Variants in OGFOD1 observed in about 807,000 individuals in gnomAD.
OGFOD1 encodes 2-oxoglutarate and iron dependent oxygenase domain containing 1, also known as prolyl 3-hydroxylase OGFOD1.
Under a neutral mutation model 67.7 loss-of-function variants are expected in OGFOD1, and 54 were observed. That is an observed-to-expected ratio of 0.80 (90% confidence interval 0.64 to 1.00). The LOEUF (loss-of-function observed/expected upper bound fraction) is 1.00. Among genes scored for constraint, OGFOD1 ranks in the 50% least tolerant of loss-of-function variants. The pLI is 0.00. For synonymous variants in OGFOD1, 221 were observed against 227.0 expected (o/e 0.97, Z 0.24); for missense variants, 606 against 646.7 (o/e 0.94, Z 0.68).
In OGFOD1 at chr16:56,451,771, C is replaced by T. The variant is rs1049731941; in HGVS notation, c.154+5C>T. 1 of 1,612,068 alleles carries T rather than the reference C, an allele frequency of 6.2e-7. No homozygotes were observed. The highest frequency in any genetic ancestry group is 1.3e-5 in the African/African-American group (1 of 74,980). ...GCAGGACGCCGTTCAGTCACGGTAA[C>T]CGGGTGCTCTCAGGGAGGGGCCGCC... On this transcript the variant is annotated splice_donor_5th_base_variant and intron_variant, in intron 1 of 12. Transcript: ENST00000566157.
chr16:56,469,369 T>A lies in OGFOD1; in HGVS notation c.901-634T>A, dbSNP rs922379186. On this transcript the variant is annotated intron_variant, in intron 8 of 12. Coordinates refer to ENST00000566157, the MANE Select transcript of OGFOD1 (RefSeq NM_018233.4). ...CCTCAAAACATCTTGTGAGTTGTATTATGGTCTGTATTATGATCCTCATTT... is the reference window on the plus strand; with the variant it reads ...CCTCAAAACATCTTGTGAGTTGTATAATGGTCTGTATTATGATCCTCATTT... Among the ~76,000 whole-genome samples, 538 of 152,316 alleles carry A rather than the reference T, an allele frequency of 3.5e-3. 1 individual carries two copies. Among genetic ancestry groups the A allele is most frequent in the African/African-American group, 0.012 (515 of 41,564 alleles).
chr16:56,469,681 T>C (rs1029399430), intron 8 of OGFOD1, among the ~76,000 whole-genome samples: 14 of 151,630 alleles, frequency 9.2e-5, no homozygotes, highest in African/African-American at 3.2e-4. Context: ...AGAAACCCCA[T>C]CTCTACTAAA....
At chr16:56,454,701 C>A in intron 2 of OGFOD1, 4 of 353,278 alleles carry the variant, frequency 1.1e-5, no homozygotes, top group South Asian at 2.0e-5. Flanking sequence ...TTTTTTTTTG[C>A]ATTTTCCCAT....
At chr16:56,458,720 A>G in intron 3 of OGFOD1, 126 bp downstream of exon 3, 1 of 773,408 alleles carries the variant, frequency 1.3e-6, no homozygotes, top group Non-Finnish European at 2.1e-6. Context: ...TTTGTAGAGG[A>G]GGAAAGAGAC....
At chr16:56,458,675 A>G in intron 3 of OGFOD1, 81 bp downstream of exon 3, 1 of 1,145,938 alleles carries the variant, frequency 8.7e-7, no homozygotes, top group Middle Eastern at 2.1e-4. Flanking sequence ...AACATTGTGT[A>G]TGTCATATAA....
Position 56,470,067 on chromosome 16 carries a change from G to A in OGFOD1, c.965G>A (p.Gly322Asp), listed in dbSNP as rs777664401. The change falls in exon 9 of 13, where the codon GGT becomes GAT. Residue 322 changes from glycine to aspartate, a missense_variant. By Grantham distance (94) the Gly-to-Asp change is moderately conservative (BLOSUM62 -1). Coordinates refer to ENST00000566157, the MANE Select transcript of OGFOD1 (RefSeq NM_018233.4). ...EHGHVEWSSR[G>D]PPNKRFYEKA... is the part of the protein sequence containing the mutation. ...GGACATGTGGAATGGAGCAGCCGAG[G>A]TCCCCCTAACAAAAGGTAGAACCCG... The A allele has an allele frequency of 6.2e-7, 1 of 1,613,952 alleles. No homozygotes were observed. The highest frequency in any genetic ancestry group is 8.5e-7 in the Non-Finnish European group (1 of 1,179,954).
chr16:56,452,005 G>A, intron 1 of OGFOD1: 1 of 497,186 alleles, frequency 2.0e-6, no homozygotes, highest in Non-Finnish European at 3.6e-6. Context: ...GGAAGCAGAG[G>A]GTATGCAAGA....
chr16:56,454,662 A>G, intron 2 of OGFOD1: 2 of 346,944 alleles, frequency 5.8e-6, no homozygotes, highest in African/African-American at 2.3e-5. Context: ...GGAAAAAAAA[A>G]AGAAAGATTA....
chr16:56,466,189 C>T lies in OGFOD1; in HGVS notation c.486C>T (p.Arg162=), dbSNP rs777090975. The stretch of plus-strand genomic sequence containing the variant: ...GCCATGATGATGAGCTGGAAGGGCG[C>T]CGGATTGCCTTCATCCTGTACCTGG... ...LLCHDDELEG[R]RIAFILYLVP... Residue 162 remains arginine (R), a synonymous_variant, in exon 5 of 13, where the codon CGC becomes CGT. Coordinates refer to ENST00000566157, the MANE Select transcript of OGFOD1 (RefSeq NM_018233.4). The T allele has an allele frequency of 6.2e-7, 1 of 1,614,050 alleles. No individual in the cohort carries two copies. The highest frequency in any genetic ancestry group is 2.2e-5 in the East Asian group (1 of 44,884).
At chr16:56,451,878 T>C in intron 1 of OGFOD1, 112 bp downstream of exon 1, 1 of 1,257,674 alleles carries the variant, frequency 8.0e-7, no homozygotes, top group Non-Finnish European at 1.1e-6. Context: ...GAAGAGGCTC[T>C]TAGAGGACTT....
intron 4 of OGFOD1, 75 bp downstream of exon 4, chr16:56,462,709 T>C (rs1962753584): frequency 1.1e-6 from 1 of 878,920 alleles, no homozygotes; most frequent in African/African-American, 1.7e-5. Flanking sequence ...ATGGTATCTG[T>C]GTACCAAAAC....
chr16:56,465,945 T>C (rs1038740697), intron 4 of OGFOD1: 2 of 486,834 alleles, frequency 4.1e-6, no homozygotes, highest in Non-Finnish European at 7.4e-6. Flanking sequence ...TATCTAATTA[T>C]GTGCTCTTTA....
chr16:56,476,446 T>C lies in OGFOD1; in HGVS notation c.*241T>C. The C allele has an allele frequency of 6.4e-6, 2 of 312,720 alleles. No individual in the cohort carries two copies. Among genetic ancestry groups the C allele is most frequent in the Non-Finnish European group, 1.2e-5 (2 of 173,482 alleles). The allele number at this position is 312,720 out of a possible 1,614,324, so 19.4% of individuals were successfully genotyped here. A position where few individuals can be genotyped will look rare whatever the true frequency, so the allele number is the denominator to read the frequency against. On this transcript the variant is annotated 3_prime_UTR_variant, in exon 13 of 13. Coordinates refer to ENST00000566157, the MANE Select transcript of OGFOD1 (RefSeq NM_018233.4). ...CTTTTTTTTTTTTAACATTTAGTCC[T>C]TTTTCCATATTGGCTTCTTCAGTGA...
rs1341516187 is a variant in OGFOD1, at chr16:56,472,544, C to G, written c.1285+1753C>G. 2.0e-5 allele frequency among the ~76,000 whole-genome samples: 3 copies of G among 152,038 alleles called. No homozygotes were observed. The East Asian group carries it at 5.8e-4, about 29-fold the overall frequency. Reference sequence around the variant, plus strand: ...ATAGCAGTGCTAAACATTGGCATAGCTAGGGCACATCTAGTGAGATAACAT... The same window carrying G: ...ATAGCAGTGCTAAACATTGGCATAGGTAGGGCACATCTAGTGAGATAACAT... On this transcript the variant is annotated intron_variant, in intron 10 of 12. Transcript: ENST00000566157.
At chr16:56,455,429 G>GA (rs1190181281) in intron 2 of OGFOD1, among the ~76,000 whole-genome samples, 22 of 142,792 alleles carry the variant, frequency 1.5e-4, no homozygotes, top group East Asian at 2.0e-4. Context: ...TTGGGTGATT[G>GA]AAAAAAAAAA....
At chr16:56,458,422 C>T in intron 2 of OGFOD1, 126 bp from the exon 3 acceptor site, 2 of 807,876 alleles carry the variant, frequency 2.5e-6, no homozygotes, top group Non-Finnish European at 4.3e-6. Flanking sequence ...TAAACCTAAG[C>T]AGCCTGGCTT....
At chr16:56,462,962 C>T (rs1962763480) in intron 4 of OGFOD1, among the ~76,000 whole-genome samples, 1 of 152,220 alleles carries the variant, frequency 6.6e-6, no homozygotes. Flanking sequence ...GAACAACCAT[C>T]TCCTTCAATG....
intron 2 of OGFOD1, among the ~76,000 whole-genome samples, chr16:56,456,800 G>C (rs1962537928): frequency 1.3e-5 from 2 of 152,146 alleles, no homozygotes; most frequent in Admixed American, 6.5e-5. Flanking sequence ...ATATAGCCTA[G>C]GTATATATTA....
At chr16:56,461,256 C>CA (rs1478564225) in intron 3 of OGFOD1, among the ~76,000 whole-genome samples, 10 of 152,172 alleles carry the variant, frequency 6.6e-5, no homozygotes, top group Admixed American at 6.5e-4. Flanking sequence ...AATAGCCAAT[C>CA]ACTTAATCAA....
Sources: allele counts gnomAD v4.1 joint callset (sites outside exome capture counted in the v4.1 genomes callset), GRCh38; gene constraint gnomAD v4.1.1; transcripts MANE v1.5; gene names NCBI Gene and HGNC (gene_info 2026-07-23, HGNC 2026-07-21).